The following NTM variants were observed in gnomAD, a reference collection of about 807,000 sequenced individuals.
NTM encodes IgLON family member 2.
In NTM, 13 loss-of-function variants were observed where a neutral mutation model predicts 42.1. The ratio of observed to expected loss-of-function variants is 0.31; its 90% CI spans 0.20 to 0.49. NTM has a LOEUF of 0.49. NTM is among the 20% of genes least tolerant of loss of function. The probability of loss-of-function intolerance (pLI) is 0.99; values close to 1 mark genes in which losing one functional copy is unlikely to be tolerated. For synonymous variants in NTM, 187 were observed against 179.2 expected, an observed-to-expected ratio of 1.04 and a Z score of -0.35; for missense variants, 373 against 452.8, an observed-to-expected ratio of 0.82 and a Z score of 1.60.
At chr11:131,697,505 C>T (rs766236082) in intron 1 of NTM, among the ~76,000 whole-genome samples, 2 of 152,178 alleles carry the variant, frequency 1.3e-5, no homozygotes, top group Non-Finnish European at 2.9e-5. Flanking sequence ...GTTAGGCATG[C>T]GTTGGGTCTT....
At chr11:131,504,215 T>A (rs774541249) in intron 1 of NTM, among the ~76,000 whole-genome samples, 1 of 152,166 alleles carries the variant, frequency 6.6e-6, no homozygotes, top group Non-Finnish European at 1.5e-5. Context: ...CCTATCTCTG[T>A]CTCGCACAGC....
chr11:131,826,497 G>A (rs926702389), intron 1 of NTM, among the ~76,000 whole-genome samples: 3 of 151,512 alleles, frequency 2.0e-5, no homozygotes, highest in Non-Finnish European at 4.4e-5. Context: ...GGTTGCAGAC[G>A]GCAGTGTCCT....
chr11:132,291,707 G>A (rs1244165419), intron 4 of NTM, among the ~76,000 whole-genome samples: 1 of 152,202 alleles, frequency 6.6e-6, no homozygotes, highest in African/African-American at 2.4e-5. Context: ...AGGTGGTTGG[G>A]CAGTTAGGAG....
chr11:132,290,850 G>A (rs1374054054), intron 4 of NTM, among the ~76,000 whole-genome samples: 3 of 152,196 alleles, frequency 2.0e-5, no homozygotes, highest in Admixed American at 2.0e-4. Context: ...CTGAACTTAA[G>A]CTGTAACCTG....
At chr11:131,383,777 C>T (rs1049965095) in intron 1 of NTM, among the ~76,000 whole-genome samples, 1 of 152,104 alleles carries the variant, frequency 6.6e-6, no homozygotes, top group African/African-American at 2.4e-5. Flanking sequence ...AGTGGCCAAA[C>T]AACATGATTT....
chr11:131,514,578 A>G lies in NTM; in HGVS notation c.82+143690A>G, dbSNP rs181504963. 3.4e-3 allele frequency among the ~76,000 whole-genome samples: 520 copies of G among 152,082 alleles called. 1 individual carries two copies. Among genetic ancestry groups the G allele is most frequent in the Middle Eastern group, 0.024 (7 of 292 alleles). On this transcript the variant is annotated intron_variant, in intron 1 of 8. Transcript: ENST00000683400. ...ATTAAATTTGTTTTGTGATTTATTTATTTATTTATTTAATTATTTGAGACA... is the reference window on the plus strand; with the variant it reads ...ATTAAATTTGTTTTGTGATTTATTTGTTTATTTATTTAATTATTTGAGACA...
intron 1 of NTM, among the ~76,000 whole-genome samples, chr11:131,470,899 C>T (rs2136176299): frequency 6.6e-6 from 1 of 152,274 alleles, no homozygotes; most frequent in East Asian, 1.9e-4. Flanking sequence ...ACGCTCCAAG[C>T]CTTTATTATC....
intron 4 of NTM, among the ~76,000 whole-genome samples, chr11:132,252,708 G>A (rs1379842915): frequency 6.6e-6 from 1 of 152,150 alleles, no homozygotes; most frequent in Admixed American, 6.5e-5. Flanking sequence ...TTTTTGTCCT[G>A]ATATATGGCT....
intron 1 of NTM, among the ~76,000 whole-genome samples, chr11:131,773,153 T>C (rs2086396750): frequency 6.6e-6 from 1 of 152,204 alleles, no homozygotes; most frequent in Non-Finnish European, 1.5e-5. Flanking sequence ...CAGGTCAGTG[T>C]CTGGTGAGGA....
At chr11:131,389,332 C>T (rs1016593226) in intron 1 of NTM, among the ~76,000 whole-genome samples, 1 of 152,190 alleles carries the variant, frequency 6.6e-6, no homozygotes, top group Admixed American at 6.5e-5. Context: ...TGAGATGGAG[C>T]TGGGGGAGCG....
chr11:132,168,926 A>T (rs984091078), intron 3 of NTM, among the ~76,000 whole-genome samples: 1 of 152,162 alleles, frequency 6.6e-6, no homozygotes, highest in African/African-American at 2.4e-5. Context: ...GCTCCCTGGG[A>T]TTCAGGTTGT....
At chr11:132,222,892 G>A (rs147918173) in intron 4 of NTM, among the ~76,000 whole-genome samples, 145 of 152,266 alleles carry the variant, frequency 9.5e-4, no homozygotes, top group African/African-American at 3.3e-3. Flanking sequence ...TTTGCAGCCC[G>A]GGAGGCGTTT....
In NTM at chr11:132,295,652, A is replaced by G. The variant is rs140582295; in HGVS notation, c.527-12037A>G. Among the ~76,000 whole-genome samples the G allele has an allele frequency of 5.6e-3, 846 of 152,300 alleles. 9 individuals carry two copies. Among genetic ancestry groups the G allele is most frequent in the African/African-American group, 0.018 (765 of 41,558 alleles). On this transcript the variant is annotated intron_variant, in intron 4 of 8. Transcript: ENST00000683400. Reference sequence around the variant, plus strand: ...AGAGAAGACAAACAGGCACAGATCAATACAATGCCTCGTGTTTTAGGAACT... The same window carrying G: ...AGAGAAGACAAACAGGCACAGATCAGTACAATGCCTCGTGTTTTAGGAACT...
chr11:131,707,736 A>G (rs1376171266), intron 1 of NTM, among the ~76,000 whole-genome samples: 1 of 152,132 alleles, frequency 6.6e-6, no homozygotes, highest in African/African-American at 2.4e-5. Flanking sequence ...TCTTCATTAG[A>G]AAAACCTCTC....
intron 4 of NTM, among the ~76,000 whole-genome samples, chr11:132,273,736 G>A (rs113483888): frequency 3.2e-4 from 49 of 152,022 alleles, no homozygotes; most frequent in East Asian, 1.7e-3. Flanking sequence ...GTGAAACCCC[G>A]TCTCTACTAA....
chr11:132,200,838 C>T (rs140179220), intron 3 of NTM, among the ~76,000 whole-genome samples: 1 of 152,262 alleles, frequency 6.6e-6, no homozygotes, highest in Non-Finnish European at 1.5e-5. Context: ...CTCTTAAGGG[C>T]AAGAGGAGAA....
chr11:131,668,270 A>ATCTG (rs1413678905), intron 1 of NTM, among the ~76,000 whole-genome samples: 2 of 151,760 alleles, frequency 1.3e-5, no homozygotes, highest in Non-Finnish European at 2.9e-5. Flanking sequence ...CTATCTATCT[A>ATCTG]TCTATCTATC....
chr11:131,625,122 C>T (rs10736599), intron 1 of NTM, among the ~76,000 whole-genome samples: 116,759 of 152,082 alleles, frequency 0.77, 45,070 homozygotes, highest in Non-Finnish European at 0.82. Context: ...GTCTTTTATA[C>T]AGAAATCAAC....
chr11:132,144,656 C>A (rs546243623), intron 2 of NTM, among the ~76,000 whole-genome samples: 29 of 152,274 alleles, frequency 1.9e-4, no homozygotes, highest in African/African-American at 6.5e-4. Context: ...CTGTAATAAA[C>A]CTCTCCTGTG....
Sources: gnomAD v4.1 joint callset for allele counts (sites outside exome capture counted in the v4.1 genomes callset) on GRCh38, gnomAD v4.1.1 for gene constraint, MANE v1.5 for transcripts, NCBI Gene and HGNC (gene_info 2026-07-23, HGNC 2026-07-21) for gene names.